Variants in RARB observed in about 807,000 individuals in gnomAD.
RARB encodes the protein HBV-activated protein.
RARB carries 17 observed loss-of-function variants against 51.9 expected under a neutral mutation model. That is an observed-to-expected ratio of 0.33 (90% CI 0.22 to 0.49). RARB has a LOEUF of 0.49. RARB is among the 20% of genes least tolerant of loss of function. The pLI, the probability that RARB is intolerant of heterozygous loss-of-function variation, is 0.99. For synonymous variants in RARB, 215 were observed against 195.4 expected, an observed-to-expected ratio of 1.10 and a Z score of -0.84; for missense variants, 369 against 550.8, an observed-to-expected ratio of 0.67 and a Z score of 3.30.
intron 3 of RARB, among the ~76,000 whole-genome samples, chr3:25,559,857 A>G (rs1196927426): frequency 6.6e-6 from 1 of 152,184 alleles, no homozygotes; most frequent in Non-Finnish European, 1.5e-5. Flanking sequence ...TGCATTGGAT[A>G]GTTGGAAGGA....
chr3:25,017,933 T>C (rs1697550642), intron 2 of RARB, among the ~76,000 whole-genome samples: 1 of 152,186 alleles, frequency 6.6e-6, no homozygotes, highest in African/African-American at 2.4e-5. Flanking sequence ...GCCTGGTTTG[T>C]CCCTTCCACC....
intron 5 of RARB, among the ~76,000 whole-genome samples, chr3:25,359,524 A>G (rs1307767556): frequency 6.6e-6 from 1 of 151,914 alleles, no homozygotes; most frequent in Non-Finnish European, 1.5e-5. Flanking sequence ...TAGCTTTTGA[A>G]TGTGTTTGCT....
At chr3:25,353,688 A>G (rs1705645614) in intron 5 of RARB, among the ~76,000 whole-genome samples, 1 of 151,958 alleles carries the variant, frequency 6.6e-6, no homozygotes, top group African/African-American at 2.4e-5. Context: ...GTAGGTGGCC[A>G]TGATTGACAG....
chr3:25,196,705 A>G (rs1467059697), intron 5 of RARB, among the ~76,000 whole-genome samples: 1 of 152,002 alleles, frequency 6.6e-6, no homozygotes, highest in Non-Finnish European at 1.5e-5. Context: ...AAGTGTTCCT[A>G]TTTCTCCACA....
At chr3:25,541,424 G>C (rs1273942375) in intron 3 of RARB, among the ~76,000 whole-genome samples, 1 of 151,944 alleles carries the variant, frequency 6.6e-6, no homozygotes, top group Non-Finnish European at 1.5e-5. Flanking sequence ...ACAGATTTTT[G>C]TCTTTTGTGT....
chr3:25,570,006 A>G, intron 4 of RARB, 88 bp downstream of exon 4: 1 of 1,419,592 alleles, frequency 7.0e-7, no homozygotes, highest in Non-Finnish European at 9.6e-7. Context: ...ACACACACAC[A>G]CACACACACA....
At chr3:24,952,740 T>A (rs1695924234) in intron 2 of RARB, among the ~76,000 whole-genome samples, 1 of 151,950 alleles carries the variant, frequency 6.6e-6, no homozygotes, top group Non-Finnish European at 1.5e-5. Flanking sequence ...TCACCCTCTT[T>A]TTTTCTCCCT....
At chr3:25,023,572 G>A (rs1309734274) in intron 2 of RARB, among the ~76,000 whole-genome samples, 2 of 152,144 alleles carry the variant, frequency 1.3e-5, no homozygotes, top group African/African-American at 4.8e-5. Context: ...TCCTTCCTGT[G>A]TACCAATCAA....
At chr3:25,462,139 G>A (rs1406017105) in intron 2 of RARB, among the ~76,000 whole-genome samples, 1 of 152,168 alleles carries the variant, frequency 6.6e-6, no homozygotes, top group East Asian at 1.9e-4. Context: ...ACTTGCTACT[G>A]TATGTGTGTC....
rs147975299 is a variant in RARB, at chr3:25,591,771, A to G, written c.787-1732A>G. Among the ~76,000 whole-genome samples, 517 of 152,316 alleles carry G rather than the reference A, an allele frequency of 3.4e-3. 2 individuals carry two copies. The highest frequency in any genetic ancestry group is 5.1e-3 in the Non-Finnish European group (348 of 68,022). On this transcript the variant is annotated intron_variant, in intron 5 of 7. Transcript: ENST00000330688. ...AATAAGACACTGAAGTCAGACTTTT[A>G]AAAATATATACAACAGAGGCGCTGC...
chr3:24,831,336 C>T (rs1462187589), intron 1 of RARB, among the ~76,000 whole-genome samples: 1 of 152,148 alleles, frequency 6.6e-6, no homozygotes, highest in African/African-American at 2.4e-5. Context: ...TAATTATTTT[C>T]GTATTTACGC....
chr3:24,976,240 G>A (rs1696509642), intron 2 of RARB, among the ~76,000 whole-genome samples: 1 of 152,216 alleles, frequency 6.6e-6, no homozygotes, highest in Non-Finnish European at 1.5e-5. Flanking sequence ...GCATGTGCAT[G>A]TGTCTCTATA....
intron 2 of RARB, among the ~76,000 whole-genome samples, chr3:25,036,360 G>A (rs957405521): frequency 1.3e-5 from 2 of 152,036 alleles, no homozygotes; most frequent in African/African-American, 2.4e-5. Context: ...TGTCTGTAGC[G>A]CCAAATCCCA....
At chr3:25,316,786 T>C (rs1704435611) in intron 5 of RARB, among the ~76,000 whole-genome samples, 1 of 152,198 alleles carries the variant, frequency 6.6e-6, no homozygotes, top group South Asian at 2.1e-4. Context: ...TAAATTTTTG[T>C]CCTTTTCTGC....
chr3:24,902,691 A>C (rs1703634228), intron 2 of RARB, among the ~76,000 whole-genome samples: 1 of 152,172 alleles, frequency 6.6e-6, no homozygotes, highest in South Asian at 2.1e-4. Context: ...AATGAAGATT[A>C]ATATGGTCAT....
intron 1 of RARB, among the ~76,000 whole-genome samples, chr3:24,844,766 C>G (rs896596910): frequency 6.6e-6 from 1 of 152,200 alleles, no homozygotes; most frequent in Non-Finnish European, 1.5e-5. Flanking sequence ...CCATTATTCT[C>G]TGGACCCCTG....
intron 2 of RARB, among the ~76,000 whole-genome samples, chr3:24,951,403 T>C (rs1695888072): frequency 6.6e-6 from 1 of 152,120 alleles, no homozygotes; most frequent in Non-Finnish European, 1.5e-5. Flanking sequence ...GCTGACAAGT[T>C]AGGCTTTGTC....
At chr3:25,144,682 A>T (rs1193347384) in intron 4 of RARB, among the ~76,000 whole-genome samples, 1 of 152,210 alleles carries the variant, frequency 6.6e-6, no homozygotes, top group Non-Finnish European at 1.5e-5. Flanking sequence ...AACTTCTCCC[A>T]TTGATGAATA....
chr3:25,241,269 C>T (rs951952313), intron 5 of RARB, among the ~76,000 whole-genome samples: 21 of 152,024 alleles, frequency 1.4e-4, no homozygotes, highest in Admixed American at 1.2e-3. Flanking sequence ...TGAGCAGATA[C>T]TTGTTATGAT....
Sources: allele counts gnomAD v4.1 joint callset (sites outside exome capture counted in the v4.1 genomes callset), GRCh38; gene constraint gnomAD v4.1.1; transcripts MANE v1.5; gene names NCBI Gene and HGNC (gene_info 2026-07-23, HGNC 2026-07-21).